The following IL1RAPL1 variants were observed in gnomAD, a reference collection of about 807,000 sequenced individuals.
IL1RAPL1 encodes the protein interleukin 1 receptor accessory protein like 1.
Under a neutral mutation model 48.4 loss-of-function variants are expected in IL1RAPL1, and 3 were observed. The ratio of observed to expected loss-of-function variants is 0.06; its 90% CI spans 0.03 to 0.16. The LOEUF is 0.16. IL1RAPL1 is among the 10% of genes least tolerant of loss of function. IL1RAPL1 has a pLI of 1.00. For synonymous variants in IL1RAPL1, 185 were observed against 187.7 expected (o/e 0.99, Z 0.12); for missense variants, 349 against 530.6 (o/e 0.66, Z 3.36).
At chrX:29,253,012 A>G (rs1263796902) in intron 2 of IL1RAPL1, among the ~76,000 whole-genome samples, 1 of 111,144 alleles carries the variant, frequency 9.0e-6, no homozygotes, top group Admixed American at 9.6e-5. Flanking sequence ...TACTAAAATC[A>G]TTATTTTAGT....
intron 5 of IL1RAPL1, among the ~76,000 whole-genome samples, chrX:29,494,337 G>A (rs1005182859): frequency 8.9e-6 from 1 of 112,229 alleles, no homozygotes; most frequent in Non-Finnish European, 1.9e-5. Context: ...ATTCCATGAT[G>A]TATGTGTACC....
chrX:28,988,955 G>A (rs1047211348), intron 2 of IL1RAPL1, among the ~76,000 whole-genome samples: 4 of 111,447 alleles, frequency 3.6e-5, no homozygotes, highest in African/African-American at 9.8e-5. Flanking sequence ...TCTCATCCAA[G>A]TTAGGTACAT....
intron 2 of IL1RAPL1, among the ~76,000 whole-genome samples, chrX:28,794,070 T>C (rs1936584123): frequency 9.0e-6 from 1 of 111,021 alleles, no homozygotes; most frequent in Non-Finnish European, 1.9e-5. Context: ...AAGGTAAAAT[T>C]AAATAGAGGC....
chrX:28,826,051 T>C, intron 2 of IL1RAPL1, among the ~76,000 whole-genome samples: 1 of 111,833 alleles, frequency 8.9e-6, no homozygotes, highest in African/African-American at 3.2e-5. Context: ...TATTAAGCTG[T>C]TATCAAAATC....
intron 1 of IL1RAPL1, among the ~76,000 whole-genome samples, chrX:28,642,379 G>A (rs761469483): frequency 4.5e-5 from 5 of 111,694 alleles, no homozygotes; most frequent in East Asian, 2.8e-4. Flanking sequence ...GTACCACATC[G>A]CAGTTATTCT....
At chrX:28,827,202 A>G (rs772580728) in intron 2 of IL1RAPL1, among the ~76,000 whole-genome samples, 42 of 111,324 alleles carry the variant, frequency 3.8e-4, no homozygotes, top group Non-Finnish European at 6.1e-4. Context: ...CTTCAGCTAC[A>G]TATTTTTATT....
At chrX:29,710,408 A>G (rs1927307561) in intron 6 of IL1RAPL1, among the ~76,000 whole-genome samples, 1 of 108,088 alleles carries the variant, frequency 9.3e-6, no homozygotes, top group African/African-American at 3.4e-5. Context: ...TTTTTTCTAC[A>G]TCTATTGAGA....
chrX:29,184,473 G>A (rs1930211825), intron 2 of IL1RAPL1, among the ~76,000 whole-genome samples: 1 of 111,528 alleles, frequency 9.0e-6, no homozygotes, highest in Admixed American at 9.5e-5. Context: ...ATGCCATTGA[G>A]CCACTTAAAT....
chrX:28,904,061 A>G (rs1348393557), intron 2 of IL1RAPL1, among the ~76,000 whole-genome samples: 1 of 110,779 alleles, frequency 9.0e-6, no homozygotes, highest in African/African-American at 3.3e-5. Flanking sequence ...CTGAAGATGC[A>G]GAGTATTAGA....
At chrX:29,022,375 A>G (rs1310054552) in intron 2 of IL1RAPL1, among the ~76,000 whole-genome samples, 1 of 111,873 alleles carries the variant, frequency 8.9e-6, no homozygotes, top group Non-Finnish European at 1.9e-5. Flanking sequence ...TGATATGCCA[A>G]AAACTATATT....
At chrX:29,350,602 G>A (rs931182183) in intron 3 of IL1RAPL1, among the ~76,000 whole-genome samples, 8 of 643 alleles carry the variant, frequency 0.012, no homozygotes, top group African/African-American at 0.054. Flanking sequence ...GTGTGTGTGT[G>A]CGTGTGCATG....
chrX:29,288,246 A>C (rs1330548734), intron 3 of IL1RAPL1, among the ~76,000 whole-genome samples: 1 of 110,761 alleles, frequency 9.0e-6, no homozygotes, highest in Admixed American at 9.7e-5. Flanking sequence ...CTATCAACCC[A>C]TCACCTAGGT....
intron 5 of IL1RAPL1, among the ~76,000 whole-genome samples, chrX:29,543,418 G>A (rs969705409): frequency 2.7e-5 from 3 of 110,188 alleles, no homozygotes; most frequent in African/African-American, 6.6e-5. Context: ...TCCTTGGATT[G>A]TCTGGTGTTC....
intron 1 of IL1RAPL1, among the ~76,000 whole-genome samples, chrX:28,615,199 GTTT>G (rs778402885): frequency 2.3e-4 from 6 of 26,060 alleles, no homozygotes; most frequent in African/African-American, 7.1e-4. Flanking sequence ...ACTGTTGTCT[GTTT>G]TTTTTTTTTT....
At chrX:29,276,126 T>A (rs1360418403) in intron 2 of IL1RAPL1, among the ~76,000 whole-genome samples, 1 of 111,966 alleles carries the variant, frequency 8.9e-6, no homozygotes, top group Non-Finnish European at 1.9e-5. Context: ...GGAAAAGGAT[T>A]AAATTTTATC....
chrX:29,467,738 T>A (rs2147737896), intron 5 of IL1RAPL1, among the ~76,000 whole-genome samples: 1 of 112,736 alleles, frequency 8.9e-6, no homozygotes, highest in Non-Finnish European at 1.9e-5. Context: ...GGGCTAGAAC[T>A]CTGATGCCTT....
intron 2 of IL1RAPL1, among the ~76,000 whole-genome samples, chrX:28,884,634 A>AT (rs1922586554): frequency 9.0e-6 from 1 of 111,726 alleles, no homozygotes; most frequent in Non-Finnish European, 1.9e-5. Context: ...ATTTGAAATT[A>AT]TTTTGGCAAA....
intron 2 of IL1RAPL1, among the ~76,000 whole-genome samples, chrX:29,034,833 C>A (rs1451721793): frequency 9.1e-6 from 1 of 109,482 alleles, no homozygotes; most frequent in African/African-American, 3.3e-5. Flanking sequence ...AGAATAAATC[C>A]ATGCAAAGTA....
chrX:29,225,168 G>C (rs1355299136), intron 2 of IL1RAPL1, among the ~76,000 whole-genome samples: 1 of 112,298 alleles, frequency 8.9e-6, no homozygotes, highest in Non-Finnish European at 1.9e-5. Flanking sequence ...ATGGAGCACA[G>C]AGTATTTTAG....
Sources: allele counts gnomAD v4.1 joint callset (sites outside exome capture counted in the v4.1 genomes callset), GRCh38; gene constraint gnomAD v4.1.1; transcripts MANE v1.5; gene names NCBI Gene and HGNC (gene_info 2026-07-23, HGNC 2026-07-21).